The following ALG14 variants were observed in gnomAD, a reference collection of about 807,000 sequenced individuals.
ALG14 encodes ALG14 UDP-N-acetylglucosaminyltransferase subunit.
ALG14 carries 17 observed loss-of-function variants against 22.8 expected under a neutral mutation model. The observed-to-expected ratio is 0.75, with a 90% CI of 0.51 to 1.12. The LOEUF (loss-of-function observed/expected upper bound fraction) is 1.12, where lower values mean the gene tolerates loss of function less well. ALG14 is among the 50% of genes most tolerant of loss of function. The pLI, the probability that ALG14 is intolerant of heterozygous loss-of-function variation, is 0.00. For synonymous variants in ALG14, 89 were observed against 103.7 expected, an observed-to-expected ratio of 0.86 and a Z score of 0.86; for missense variants, 288 against 271.8, an observed-to-expected ratio of 1.06 and a Z score of -0.42.
At chr1:95,053,539 G>GT (rs1029121018) in intron 2 of ALG14, among the ~76,000 whole-genome samples, 4 of 152,062 alleles carry the variant, frequency 2.6e-5, no homozygotes, top group Non-Finnish European at 5.9e-5. Context: ...ACCTGTCTCT[G>GT]TTTTTTGGGA....
chr1:95,061,677 T>C (rs1675158326), intron 2 of ALG14: 1 of 152,250 alleles, frequency 6.6e-6, no homozygotes. Context: ...TACATTATCT[T>C]CATTCTTCTA....
chr1:95,060,512 C>T lies in ALG14; in HGVS notation c.288+4354G>A, dbSNP rs1237327750. On this transcript the variant is annotated intron_variant, in intron 2 of 3. Transcript: ENST00000370205. The stretch of plus-strand genomic sequence containing the variant: ...TGGGCAGATCACGAGGTCAGGAGAT[C>T]GAGACCATCCTGGCCAACATGGTGA... Among the ~76,000 whole-genome samples the T allele has an allele frequency of 2.6e-5, 4 of 151,172 alleles. No individual in the cohort carries two copies. In the South Asian group the frequency reaches 6.3e-4, roughly 24 times the overall value.
At chr1:95,054,816 T>A (rs762287537) in intron 2 of ALG14, among the ~76,000 whole-genome samples, 1 of 152,238 alleles carries the variant, frequency 6.6e-6, no homozygotes, top group Non-Finnish European at 1.5e-5. Context: ...ACAGCTCATT[T>A]GATGAGAGTA....
intron 3 of ALG14, among the ~76,000 whole-genome samples, chr1:94,996,646 G>C (rs554232359): frequency 6.6e-6 from 1 of 152,164 alleles, no homozygotes; most frequent in Non-Finnish European, 1.5e-5. Flanking sequence ...CAAAGGACTA[G>C]AAGTTAGTTC....
chr1:95,045,841 GGCATACTAATAGAATTA>G (rs916217203), intron 2 of ALG14, among the ~76,000 whole-genome samples: 13 of 145,610 alleles, frequency 8.9e-5, no homozygotes, highest in Admixed American at 2.8e-4. Flanking sequence ...CTAATAGAAT[GGCATACTAATAGAATTA>G]GTATACTAAT....
chr1:94,998,481 A>G (rs1672965174), intron 3 of ALG14, among the ~76,000 whole-genome samples: 1 of 152,264 alleles, frequency 6.6e-6, no homozygotes, highest in Non-Finnish European at 1.5e-5. Context: ...GATGTTAATT[A>G]TAAGCAAGTG....
intron 2 of ALG14, among the ~76,000 whole-genome samples, chr1:95,036,989 G>T (rs114939406): frequency 2.2e-3 from 332 of 152,246 alleles, no homozygotes; most frequent in African/African-American, 7.4e-3. Context: ...CTGCCCCAGG[G>T]CCTGAAACCA....
chr1:94,986,944 A>G (rs1672660940), intron 3 of ALG14, among the ~76,000 whole-genome samples: 1 of 152,114 alleles, frequency 6.6e-6, no homozygotes, highest in South Asian at 2.1e-4. Flanking sequence ...TCCCCTGGTG[A>G]AAGTCACTGG....
intron 1 of ALG14, among the ~76,000 whole-genome samples, chr1:95,066,158 T>C (rs1263368614): frequency 6.6e-6 from 1 of 152,132 alleles, no homozygotes; most frequent in Non-Finnish European, 1.5e-5. Flanking sequence ...AAAGAGTATA[T>C]AGTGATACAA....
At chr1:94,994,728 C>A (rs1401255437) in intron 3 of ALG14, among the ~76,000 whole-genome samples, 1 of 152,118 alleles carries the variant, frequency 6.6e-6, no homozygotes, top group African/African-American at 2.4e-5. Flanking sequence ...CCAACTAGGT[C>A]CAGCTTTTGT....
At chr1:95,043,128 G>A (rs889496537) in intron 2 of ALG14, among the ~76,000 whole-genome samples, 1 of 151,754 alleles carries the variant, frequency 6.6e-6, no homozygotes, top group African/African-American at 2.4e-5. Context: ...TCATTTCTTC[G>A]AACATAATTG....
intron 2 of ALG14, among the ~76,000 whole-genome samples, chr1:95,037,460 G>A (rs1674236216): frequency 6.6e-6 from 1 of 152,188 alleles, no homozygotes; most frequent in South Asian, 2.1e-4. Context: ...ATGAGGCCAG[G>A]AGGTGCTACA....
chr1:94,976,010 C>A lies in ALG14; in HGVS notation c.*7066G>T. On this transcript the variant is annotated 3_prime_UTR_variant, in exon 4 of 4. Coordinates refer to ENST00000370205, the MANE Select transcript of ALG14 (RefSeq NM_144988.4). ...TCAGCCTGGGCAACAGAGCGAGACT[C>A]TGTCTCAAAAAAAAAAAAAAAAAAA... is the stretch of plus-strand genomic sequence containing the variant. 9.0e-6 allele frequency: 1 copy of A among 111,126 alleles called. No individual in the cohort carries two copies. The highest frequency in any genetic ancestry group is 3.2e-4 in the East Asian group (1 of 3,104). The allele number at this position is 111,126 out of a possible 1,614,324, so 6.9% of individuals were successfully genotyped here.
chr1:95,046,901 C>G (rs1674575376), intron 2 of ALG14, among the ~76,000 whole-genome samples: 2 of 151,936 alleles, frequency 1.3e-5, no homozygotes, highest in South Asian at 4.1e-4. Flanking sequence ...AGTTCGAGAC[C>G]AGCCTGGGCA....
intron 2 of ALG14, among the ~76,000 whole-genome samples, chr1:95,028,813 G>T (rs1673907155): frequency 6.6e-6 from 1 of 151,480 alleles, no homozygotes; most frequent in Admixed American, 6.6e-5. Context: ...AAAAGAAAAA[G>T]AAAAAAAATC....
intron 3 of ALG14, among the ~76,000 whole-genome samples, chr1:95,015,121 A>G (rs1445368748): frequency 6.6e-6 from 1 of 152,192 alleles, no homozygotes; most frequent in African/African-American, 2.4e-5. Context: ...GCCAAGAAGC[A>G]GTTCAAGGGG....
At chr1:94,996,050 C>T (rs950219596) in intron 3 of ALG14, among the ~76,000 whole-genome samples, 6 of 152,204 alleles carry the variant, frequency 3.9e-5, no homozygotes, top group African/African-American at 1.4e-4. Flanking sequence ...ATTGGTAGGA[C>T]TTCAGGAAAG....
In ALG14 at chr1:94,999,343, ATT is replaced by A. The variant is rs548389921; in HGVS notation, c.421-16039_421-16038del. On this transcript the variant is annotated intron_variant, in intron 3 of 3. Coordinates refer to ENST00000370205, the MANE Select transcript of ALG14 (RefSeq NM_144988.4). ...CCAATTAAATATTTTCAGTAGACCC[ATT>A]TTTTTTTTTTTTTTTTTTTTTGGAA... Among the ~76,000 whole-genome samples, 228 of 108,748 alleles carry A rather than the reference ATT, an allele frequency of 2.1e-3. 1 individual carries two copies. The highest frequency in any genetic ancestry group is 6.5e-3 in the African/African-American group (182 of 27,952). The allele number at this position is 108,748 out of a possible 152,430, so 71.3% of individuals were successfully genotyped here.
chr1:95,051,392 C>T (rs749050801), intron 2 of ALG14, among the ~76,000 whole-genome samples: 2 of 152,144 alleles, frequency 1.3e-5, no homozygotes, highest in Non-Finnish European at 2.9e-5. Flanking sequence ...CTCCCGCATC[C>T]ACTCCCAGTC....
Sources: allele counts gnomAD v4.1 joint callset (sites outside exome capture counted in the v4.1 genomes callset), GRCh38; gene constraint gnomAD v4.1.1; transcripts MANE v1.5; gene names NCBI Gene and HGNC (gene_info 2026-07-23, HGNC 2026-07-21).